MAMDC2: variants seen among roughly 807,000 people sequenced by gnomAD.
MAMDC2 encodes MAM domain-containing protein 2.
In MAMDC2, 57 loss-of-function variants were observed where a neutral mutation model predicts 89.8. The observed-to-expected ratio is 0.63, with a 90% CI of 0.51 to 0.79. MAMDC2 has a LOEUF of 0.79. Among genes scored for constraint, MAMDC2 ranks in the 30% least tolerant of loss-of-function variants. MAMDC2 has a pLI of 0.00. For missense variants in MAMDC2, 800 were observed against 820.6 expected (o/e 0.97, Z 0.31); for synonymous variants, 313 against 293.4 (o/e 1.07, Z -0.68).
chr9:70,125,239 G>A (rs114030955), intron 5 of MAMDC2, among the ~76,000 whole-genome samples: 8 of 152,198 alleles, frequency 5.3e-5, no homozygotes, highest in African/African-American at 1.7e-4. Context: ...CGTTGTAATT[G>A]TTAGACAGCT....
intron 2 of MAMDC2, among the ~76,000 whole-genome samples, chr9:70,091,327 G>C (rs1445568422): frequency 1.3e-5 from 2 of 152,154 alleles, no homozygotes; most frequent in African/African-American, 4.8e-5. Context: ...CAGGCCAAGA[G>C]CTGGACATGT....
At chr9:70,086,598 AC>A (rs1311716347) in intron 2 of MAMDC2, 3 of 152,080 alleles carry the variant, frequency 2.0e-5, no homozygotes, top group Non-Finnish European at 4.4e-5. Flanking sequence ...GTGATCAATG[AC>A]CCACATCTCT....
At chr9:70,189,300 T>C (rs2032828228) in intron 11 of MAMDC2, among the ~76,000 whole-genome samples, 1 of 152,112 alleles carries the variant, frequency 6.6e-6, no homozygotes, top group Admixed American at 6.5e-5. Context: ...GAAGGGTAGA[T>C]TTCCTGCATA....
intron 5 of MAMDC2, among the ~76,000 whole-genome samples, chr9:70,122,794 C>A (rs1378328791): frequency 6.6e-6 from 1 of 151,884 alleles, no homozygotes; most frequent in East Asian, 1.9e-4. Context: ...GGAATGAGCC[C>A]ACAAAAGTCA....
intron 8 of MAMDC2, among the ~76,000 whole-genome samples, chr9:70,140,870 C>G (rs1169417933): frequency 5.3e-5 from 8 of 152,148 alleles, no homozygotes; most frequent in Non-Finnish European, 7.4e-5. Context: ...TGAGTGGACA[C>G]TTGATGGATA....
chr9:70,151,916 T>C (rs2031593645), intron 9 of MAMDC2, among the ~76,000 whole-genome samples: 1 of 152,180 alleles, frequency 6.6e-6, no homozygotes, highest in Non-Finnish European at 1.5e-5. Context: ...TTCTAAAGCA[T>C]GTCAGGTGTG....
At chr9:70,191,012 T>C (rs1162567737) in intron 11 of MAMDC2, among the ~76,000 whole-genome samples, 1 of 152,124 alleles carries the variant, frequency 6.6e-6, no homozygotes, top group Admixed American at 6.6e-5. Flanking sequence ...TTCACATCTT[T>C]TGTAGAGTAT....
At chr9:70,105,980 C>A (rs554607655) in intron 2 of MAMDC2, 1 of 152,176 alleles carries the variant, frequency 6.6e-6, no homozygotes, top group Non-Finnish European at 1.5e-5. Context: ...GAGAATGAAC[C>A]CTATTTACCT....
rs2033646232 is a variant in MAMDC2, at chr9:70,226,823, T to G, written c.*791T>G. On this transcript the variant is annotated 3_prime_UTR_variant, in exon 14 of 14. Transcript: ENST00000377182. ...ATTTTACTGATTTTTATAATAAATA[T>G]TTTGGTAAGATTTTGAATAATATGA... 1 of 152,132 alleles carries G rather than the reference T, an allele frequency of 6.6e-6. No homozygotes were observed. The highest frequency in any genetic ancestry group is 1.5e-5 in the Non-Finnish European group (1 of 67,942). The allele number at this position is 152,132 out of a possible 1,614,324, so 9.4% of individuals were successfully genotyped here.
intron 11 of MAMDC2, among the ~76,000 whole-genome samples, chr9:70,180,120 T>C: frequency 6.6e-6 from 1 of 152,034 alleles, no homozygotes; most frequent in East Asian, 1.9e-4. Context: ...AGTGTTTGGT[T>C]TTCTGTTCCT....
chr9:70,114,361 A>C (rs1338854843), intron 5 of MAMDC2, among the ~76,000 whole-genome samples: 1 of 150,464 alleles, frequency 6.6e-6, no homozygotes, highest in Non-Finnish European at 1.5e-5. Flanking sequence ...GGGTTGCCAG[A>C]TCTTTTGATG....
intron 8 of MAMDC2, 102 bp downstream of exon 8, chr9:70,140,390 G>A: frequency 7.7e-7 from 1 of 1,299,370 alleles, no homozygotes; most frequent in Non-Finnish European, 1.0e-6. Flanking sequence ...AAAGAAAAAA[G>A]GCAGCTGTGA....
chr9:70,202,873 G>A (rs2033133148), intron 11 of MAMDC2, among the ~76,000 whole-genome samples: 1 of 149,072 alleles, frequency 6.7e-6, no homozygotes, highest in Admixed American at 6.7e-5. Flanking sequence ...GACTAGGATT[G>A]CAACCCCTGC....
intron 9 of MAMDC2, among the ~76,000 whole-genome samples, chr9:70,156,326 A>T (rs1331389610): frequency 1.3e-5 from 2 of 152,228 alleles, no homozygotes; most frequent in Non-Finnish European, 2.9e-5. Flanking sequence ...GCAGCTCTAG[A>T]AGTTCACTCG....
intron 11 of MAMDC2, among the ~76,000 whole-genome samples, chr9:70,174,647 C>T (rs2032442191): frequency 1.3e-5 from 2 of 151,676 alleles, no homozygotes; most frequent in Admixed American, 6.6e-5. Flanking sequence ...GCTAGGGAGA[C>T]AGTGCTAGGA....
At chr9:70,075,992 T>C (rs1220424854) in intron 2 of MAMDC2, among the ~76,000 whole-genome samples, 1 of 152,194 alleles carries the variant, frequency 6.6e-6, no homozygotes, top group South Asian at 2.1e-4. Flanking sequence ...CCAGGAACAG[T>C]GTGCTCCCGA....
chr9:70,190,159 C>A (rs1366028519), intron 11 of MAMDC2, among the ~76,000 whole-genome samples: 1 of 152,050 alleles, frequency 6.6e-6, no homozygotes. Context: ...CTTTGTGTGT[C>A]TCATAATTTT....
intron 11 of MAMDC2, among the ~76,000 whole-genome samples, chr9:70,173,882 A>C (rs896859267): frequency 3.3e-5 from 5 of 152,200 alleles, no homozygotes; most frequent in African/African-American, 1.2e-4. Flanking sequence ...CACCTTGAGA[A>C]AGTTACTTAA....
In MAMDC2 at chr9:70,217,463, T is replaced by C. The variant is rs1028434481; in HGVS notation, c.1652-874T>C. On this transcript the variant is annotated intron_variant, in intron 11 of 13. Transcript: ENST00000377182. ...ATTACTGGTGCATCTCTTGCTGATATAATGGCCAAGAGGAATCAGAAACCT... is the reference window on the plus strand; with the variant it reads ...ATTACTGGTGCATCTCTTGCTGATACAATGGCCAAGAGGAATCAGAAACCT... 19 of 1,421,234 alleles carry C rather than the reference T, an allele frequency of 1.3e-5. No individual in the cohort carries two copies. In the African/African-American group the frequency reaches 2.2e-4, roughly 17 times the overall value. 88.0% of individuals were successfully genotyped at this position (1,421,234 alleles called of 1,614,324 possible).
Sources: gnomAD v4.1 joint callset for allele counts (sites outside exome capture counted in the v4.1 genomes callset) on GRCh38, gnomAD v4.1.1 for gene constraint, MANE v1.5 for transcripts, NCBI Gene and HGNC (gene_info 2026-07-23, HGNC 2026-07-21) for gene names.